Variants in KDM4C observed in about 807,000 individuals in gnomAD.
The protein encoded by KDM4C is lysine demethylase 4C.
A neutral mutation model predicts 129.3 loss-of-function variants in KDM4C; 81 were observed. The observed-to-expected ratio is 0.63, with a 90% confidence interval of 0.52 to 0.75. The LOEUF (loss-of-function observed/expected upper bound fraction) is 0.75, where lower values mean the gene tolerates loss of function less well. Among genes scored for constraint, KDM4C ranks in the 30% least tolerant of loss-of-function variants. KDM4C has a pLI of 0.00. For synonymous variants in KDM4C, 573 were observed against 456.1 expected, an observed-to-expected ratio of 1.26 and a Z score of -3.26; for missense variants, 1,457 against 1,304.0, an observed-to-expected ratio of 1.12 and a Z score of -1.81.
intron 17 of KDM4C, among the ~76,000 whole-genome samples, chr9:7,100,395 A>G (rs1307119882): frequency 1.3e-5 from 2 of 152,054 alleles, no homozygotes; most frequent in Non-Finnish European, 2.9e-5. Context: ...GCTGGAGTGC[A>G]ATGCCGTGAT....
chr9:6,871,249 A>G (rs1588849040), intron 5 of KDM4C, among the ~76,000 whole-genome samples: 1 of 152,226 alleles, frequency 6.6e-6, no homozygotes, highest in African/African-American at 2.4e-5. Flanking sequence ...TTTCATAAGT[A>G]TAGATTTACT....
At chr9:7,142,028 C>G (rs1841795546) in intron 19 of KDM4C, among the ~76,000 whole-genome samples, 1 of 152,168 alleles carries the variant, frequency 6.6e-6, no homozygotes, top group South Asian at 2.1e-4. Flanking sequence ...TATATTTACC[C>G]TTTATGGGGC....
chr9:6,734,744 C>G (rs139935282), intron 1 of KDM4C: 5 of 337,792 alleles, frequency 1.5e-5, no homozygotes, highest in Admixed American at 7.8e-5. Context: ...GAGGATGTGA[C>G]TTGTATATAA....
chr9:7,086,050 C>T (rs866377237), intron 17 of KDM4C, among the ~76,000 whole-genome samples: 7 of 152,116 alleles, frequency 4.6e-5, no homozygotes, highest in Middle Eastern at 3.4e-3. Context: ...CCCAGCTACT[C>T]GGGAGGCTGA....
intron 2 of KDM4C, among the ~76,000 whole-genome samples, chr9:6,802,262 T>C (rs919027238): frequency 6.6e-6 from 1 of 152,166 alleles, no homozygotes; most frequent in African/African-American, 2.4e-5. Context: ...TATTAGGTGA[T>C]GATGAAGGTG....
intron 12 of KDM4C, among the ~76,000 whole-genome samples, chr9:6,995,874 T>C (rs1427407964): frequency 1.4e-5 from 2 of 144,664 alleles, no homozygotes; most frequent in South Asian, 2.1e-4. Flanking sequence ...GGTTTCACTG[T>C]GTTAGCCAGG....
chr9:7,105,552 T>C (rs1837590120), intron 18 of KDM4C: 2 of 443,764 alleles, frequency 4.5e-6, no homozygotes, highest in Non-Finnish European at 9.5e-6. Flanking sequence ...TTCAGAGAGG[T>C]TTAATTCCTT....
intron 4 of KDM4C, among the ~76,000 whole-genome samples, chr9:6,815,348 CTCAT>C (rs900625294): frequency 2.0e-5 from 3 of 152,050 alleles, no homozygotes; most frequent in Non-Finnish European, 2.9e-5. Context: ...TATGCCCTCT[CTCAT>C]TATTTTCTTT....
intron 12 of KDM4C, among the ~76,000 whole-genome samples, chr9:7,011,230 C>A (rs1194635403): frequency 6.6e-6 from 1 of 152,050 alleles, no homozygotes; most frequent in African/African-American, 2.4e-5. Flanking sequence ...GAATTTAATT[C>A]AATGAAGTTC....
At chr9:6,777,639 A>AT (rs552861246) in intron 1 of KDM4C, among the ~76,000 whole-genome samples, 13 of 150,562 alleles carry the variant, frequency 8.6e-5, no homozygotes, top group East Asian at 1.9e-4. Context: ...TGAAGTTAAA[A>AT]TTTTTTTTTT....
At chr9:6,801,239 ATTTTTTTTTTTT>A (rs59151680) in intron 2 of KDM4C, among the ~76,000 whole-genome samples, 44 of 65,744 alleles carry the variant, frequency 6.7e-4, no homozygotes, top group Admixed American at 2.1e-3. Context: ...GAGTAGGGAA[ATTTTTTTTTTTT>A]TTTTTTTTTT....
intron 5 of KDM4C, among the ~76,000 whole-genome samples, chr9:6,862,843 A>AAAC (rs1326446381): frequency 2.7e-4 from 36 of 135,742 alleles, no homozygotes; most frequent in Middle Eastern, 3.9e-3. Context: ...AACAAACAAA[A>AAAC]AACAAAAAAA....
chr9:6,994,747 C>T (rs1221479878), intron 12 of KDM4C, among the ~76,000 whole-genome samples: 1 of 152,118 alleles, frequency 6.6e-6, no homozygotes, highest in African/African-American at 2.4e-5. Flanking sequence ...GAAATAGTCT[C>T]CCTATATATG....
chr9:6,860,788 T>G (rs1430713523), intron 5 of KDM4C, among the ~76,000 whole-genome samples: 1 of 152,206 alleles, frequency 6.6e-6, no homozygotes, highest in East Asian at 1.9e-4. Flanking sequence ...TGTATTTTAA[T>G]TCATGTTAAA....
intron 8 of KDM4C, among the ~76,000 whole-genome samples, chr9:6,929,693 A>G (rs1319581572): frequency 6.6e-6 from 1 of 151,996 alleles, no homozygotes; most frequent in Non-Finnish European, 1.5e-5. Context: ...ACTCTGCTGG[A>G]GTCCCAGTCA....
chr9:7,069,368 C>T (rs1209696634), intron 17 of KDM4C, among the ~76,000 whole-genome samples: 1 of 152,124 alleles, frequency 6.6e-6, no homozygotes, highest in Non-Finnish European at 1.5e-5. Flanking sequence ...AAAGTTTATA[C>T]ATGTTTATTT....
chr9:7,112,876 C>G (rs2133229200), intron 18 of KDM4C, among the ~76,000 whole-genome samples: 1 of 152,090 alleles, frequency 6.6e-6, no homozygotes, highest in East Asian at 1.9e-4. Flanking sequence ...TCCTGGGTGT[C>G]TTTATGTTTT....
chr9:6,947,261 C>T (rs530695509), intron 8 of KDM4C, among the ~76,000 whole-genome samples: 129 of 152,032 alleles, frequency 8.5e-4, no homozygotes, highest in African/African-American at 3.0e-3. Flanking sequence ...CTATTTTTTT[C>T]TAATTTTATT....
chr9:6,949,764 G>C (rs1827776389), intron 8 of KDM4C, among the ~76,000 whole-genome samples: 1 of 152,248 alleles, frequency 6.6e-6, no homozygotes, highest in Non-Finnish European at 1.5e-5. Flanking sequence ...ATCAGGCAGG[G>C]AGGTTGCAGT....
Sources: gnomAD v4.1 joint callset for allele counts (sites outside exome capture counted in the v4.1 genomes callset) on GRCh38, gnomAD v4.1.1 for gene constraint, MANE v1.5 for transcripts, NCBI Gene and HGNC (gene_info 2026-07-23, HGNC 2026-07-21) for gene names.